Variants in ZNF268 observed in about 807,000 individuals in gnomAD.
The protein encoded by ZNF268 is zinc finger protein 3.
A neutral mutation model predicts 29.3 loss-of-function variants in ZNF268; 20 were observed. The observed-to-expected ratio is 0.68, with a 90% CI of 0.48 to 0.99. The LOEUF is 0.99. Among genes scored for constraint, ZNF268 ranks in the 50% least tolerant of loss-of-function variants. The pLI, the probability that ZNF268 is intolerant of heterozygous loss-of-function variation, is 0.00. For synonymous variants in ZNF268, 429 were observed against 376.9 expected (o/e 1.14, Z -1.60); for missense variants, 1,240 against 1,121.6 (o/e 1.11, Z -1.51).
At position 133,203,110 on chromosome 12, in the gene ZNF268, T is replaced by C. The variant is rs375342422; in HGVS notation, c.1424T>C (p.Ile475Thr). Residue 475 changes from isoleucine (I) to threonine (T), a missense_variant, in exon 6 of 6, where the codon ATT becomes ACT. Around this residue, in one of 3 missense-constraint regions of ZNF268, gnomAD observed 1,177 missense variants for 1,039.6 expected, o/e 1.13. Coordinates refer to ENST00000536435, the MANE Select transcript of ZNF268 (RefSeq NM_003415.3). ...IHTGVKPYGCIQCGKGFSLKS... is the reference protein window; with the variant it reads ...IHTGVKPYGCTQCGKGFSLKS... The stretch of plus-strand genomic sequence containing the variant: ...ACAGGAGTAAAGCCCTATGGGTGTA[T>C]TCAGTGTGGTAAAGGATTCAGTTTG... 1,276 of 1,537,136 alleles carry C rather than the reference T, an allele frequency of 8.3e-4. 1 individual carries two copies. The highest frequency in any genetic ancestry group is 1.0e-3 in the Non-Finnish European group (1,149 of 1,146,682).
chr12:133,188,204 C>CTT, intron 3 of ZNF268, 132 bp downstream of exon 3: 46 of 667,580 alleles, frequency 6.9e-5, no homozygotes, highest in Admixed American at 1.1e-4. Context: ...AACCCCCCCA[C>CTT]TTTTTTTTTT....
chr12:133,182,125 T>C lies in ZNF268; in HGVS notation c.33+95T>C. The C allele has an allele frequency of 2.3e-6, 3 of 1,279,424 alleles. No homozygotes were observed. The South Asian group carries it at 4.2e-5, about 18-fold the overall frequency. 79.3% of individuals were successfully genotyped at this position (1,279,424 alleles called of 1,614,324 possible). A position where few individuals can be genotyped will look rare whatever the true frequency, so the allele number is the denominator to read the frequency against. On this transcript the variant is annotated intron_variant, in intron 2 of 5. Transcript: ENST00000536435. ...TCCAGTCTGAATTTGCCAGGAGCTT[T>C]CTCACCCCACCGCTCTTTTAGGCAA...
intron 2 of ZNF268, among the ~76,000 whole-genome samples, chr12:133,186,734 T>C (rs769215341): frequency 6.6e-6 from 1 of 152,172 alleles, no homozygotes; most frequent in East Asian, 1.9e-4. Flanking sequence ...GATGGAATAC[T>C]ATTCACCAAC....
At chr12:133,183,587 C>T (rs1353572883) in intron 2 of ZNF268, among the ~76,000 whole-genome samples, 1 of 151,900 alleles carries the variant, frequency 6.6e-6, no homozygotes, top group African/African-American at 2.4e-5. Context: ...GGCAGAAAAG[C>T]CAGGGATGAC....
chr12:133,198,249 A>G (rs1474610101), intron 5 of ZNF268, among the ~76,000 whole-genome samples: 1 of 150,104 alleles, frequency 6.7e-6, no homozygotes. Context: ...AGCTTTCTAC[A>G]TATGGCTAGC....
At chr12:133,197,638 G>A (rs1448524581) in intron 5 of ZNF268, among the ~76,000 whole-genome samples, 1 of 152,308 alleles carries the variant, frequency 6.6e-6, no homozygotes, top group East Asian at 1.9e-4. Context: ...GGTTGAACTA[G>A]TTTACAGTCC....
rs1956789490 is a variant in ZNF268, at chr12:133,202,894, T to C, written c.1208T>C (p.Leu403Pro). The C allele has an allele frequency of 1.3e-6, 2 of 1,551,798 alleles. No homozygotes were observed. Among genetic ancestry groups the C allele is most frequent in the Non-Finnish European group, 1.7e-6 (2 of 1,152,422 alleles). The change falls in exon 6 of 6, where the codon CTC becomes CCC. Residue 403 changes from leucine (L) to proline (P), a missense_variant. Coordinates refer to ENST00000536435, the MANE Select transcript of ZNF268 (RefSeq NM_003415.3). Reference sequence around the variant, plus strand: ...AAAGCTTTTGGTTTAAAATCACAGCTCATTATACATGAAAGAATTCATACA... The same window carrying C: ...AAAGCTTTTGGTTTAAAATCACAGCCCATTATACATGAAAGAATTCATACA... Reference protein sequence around the residue: ...CGKAFGLKSQLIIHERIHTGE... With the variant: ...CGKAFGLKSQPIIHERIHTGE...
chr12:133,195,656 A>G (rs1228179709), intron 5 of ZNF268, among the ~76,000 whole-genome samples: 2 of 152,148 alleles, frequency 1.3e-5, no homozygotes, highest in Non-Finnish European at 2.9e-5. Flanking sequence ...GCAGTGAGCA[A>G]TGATTGCACC....
At chr12:133,193,680 G>C (rs1017776756) in intron 5 of ZNF268, 2 of 446,072 alleles carry the variant, frequency 4.5e-6, no homozygotes, top group Non-Finnish European at 8.0e-6. Context: ...TTCAACATGA[G>C]TTTTAGAGGG....
Position 133,212,712 on chromosome 12 carries a change from C to T in ZNF268, c.*8182C>T, listed in dbSNP as rs550311298. The T allele has an allele frequency of 1.5e-4, 23 of 152,038 alleles. 1 individual carries two copies. In the South Asian group the frequency reaches 2.5e-3, roughly 16 times the overall value. The allele number at this position is 152,038 out of a possible 1,614,324, so 9.4% of individuals were successfully genotyped here. On this transcript the variant is annotated 3_prime_UTR_variant, in exon 6 of 6. Transcript: ENST00000536435. The stretch of plus-strand genomic sequence containing the variant: ...GGCTTCCAATTTCTCCACATACTTG[C>T]CAATATTAATTAGTTTGTTTCTCTC...
At position 133,202,627 on chromosome 12, in the gene ZNF268, G is replaced by C; in HGVS notation, c.941G>C (p.Ser314Thr). 1 of 1,605,218 alleles carries C rather than the reference G, an allele frequency of 6.2e-7. No individual in the cohort carries two copies. Among genetic ancestry groups the C allele is most frequent in the Non-Finnish European group, 8.5e-7 (1 of 1,175,294 alleles). ...TGTAATGAATGTGGGAAAGACTTCA[G>C]TAGTAAATCATACCTCATTGTACAT... ...YGCNECGKDF[S>T]SKSYLIVHQR... The change falls in exon 6 of 6, where the codon AGT becomes ACT. Residue 314 changes from serine (S) to threonine (T), a missense_variant. By Grantham distance (58) the Ser-to-Thr change is moderately conservative. Transcript: ENST00000536435.
In ZNF268 at chr12:133,208,940, T is replaced by G. The variant is rs1285161367; in HGVS notation, c.*4410T>G. The G allele has an allele frequency of 1.4e-5, 2 of 138,198 alleles. No individual in the cohort carries two copies. Among genetic ancestry groups the G allele is most frequent in the Non-Finnish European group, 1.5e-5 (1 of 66,474 alleles). 8.6% of individuals were successfully genotyped at this position (138,198 alleles called of 1,614,324 possible). On this transcript the variant is annotated 3_prime_UTR_variant, in exon 6 of 6. Coordinates refer to ENST00000536435, the MANE Select transcript of ZNF268 (RefSeq NM_003415.3). ...CTCAAGCTCCTTATATGGCATAGTATTTGCATTTTTTTTTTTTTTTTTGAG... is the reference window on the plus strand; with the variant it reads ...CTCAAGCTCCTTATATGGCATAGTAGTTGCATTTTTTTTTTTTTTTTTGAG...
In ZNF268 at chr12:133,210,133, A is replaced by G. The variant is rs1956955786; in HGVS notation, c.*5603A>G. On this transcript the variant is annotated 3_prime_UTR_variant, in exon 6 of 6. Transcript: ENST00000536435. ...CCTCAGCACTCAGGGTGCAGGCCTC[A>G]CTTTTCCTCATCTTTTCCTCCTGTG... 1 of 152,266 alleles carries G rather than the reference A, an allele frequency of 6.6e-6. No individual in the cohort carries two copies. Among genetic ancestry groups the G allele is most frequent in the South Asian group, 2.1e-4 (1 of 4,834 alleles). 9.4% of individuals were successfully genotyped at this position (152,266 alleles called of 1,614,324 possible). A position where few individuals can be genotyped will look rare whatever the true frequency, so the allele number is the denominator to read the frequency against.
chr12:133,211,045 T>C lies in ZNF268; in HGVS notation c.*6515T>C, dbSNP rs979467941. 3.3e-5 allele frequency: 15 copies of C among 455,888 alleles called. No individual in the cohort carries two copies. The highest frequency in any genetic ancestry group is 4.8e-5 in the Non-Finnish European group (11 of 226,806). 28.2% of individuals were successfully genotyped at this position (455,888 alleles called of 1,614,324 possible). A position where few individuals can be genotyped will look rare whatever the true frequency, so the allele number is the denominator to read the frequency against. ...AACTGAAATAGAGTCCATCATTCCA[T>C]GCCTTAATTGGAATGGATAGAGATA... On this transcript the variant is annotated 3_prime_UTR_variant, in exon 6 of 6. Coordinates refer to ENST00000536435, the MANE Select transcript of ZNF268 (RefSeq NM_003415.3).
intron 5 of ZNF268, among the ~76,000 whole-genome samples, chr12:133,194,665 A>C (rs1269308191): frequency 3.3e-5 from 5 of 152,194 alleles, no homozygotes; most frequent in Non-Finnish European, 7.3e-5. Context: ...GTTGGCTCAG[A>C]TAAATTATGC....
rs1555305585 is a variant in ZNF268, at chr12:133,211,208, T to TG, written c.*6678_*6679insG. Reference sequence around the variant, plus strand: ...TGAAAAAGTGTTTGTATGCAAAATATAAAAAAAAAACCCTAAAATTGAACA... The same window carrying TG: ...TGAAAAAGTGTTTGTATGCAAAATATGAAAAAAAAAACCCTAAAATTGAACA... On this transcript the variant is annotated 3_prime_UTR_variant, in exon 6 of 6. Transcript: ENST00000536435. 3.7e-6 allele frequency: 1 copy of TG among 272,346 alleles called. No individual in the cohort carries two copies. The highest frequency in any genetic ancestry group is 7.0e-6 in the Non-Finnish European group (1 of 142,536). The allele number at this position is 272,346 out of a possible 1,614,324, so 16.9% of individuals were successfully genotyped here. A position where few individuals can be genotyped will look rare whatever the true frequency, so the allele number is the denominator to read the frequency against.
intron 2 of ZNF268, among the ~76,000 whole-genome samples, chr12:133,182,993 G>A (rs1956216757): frequency 6.6e-6 from 1 of 152,160 alleles, no homozygotes; most frequent in South Asian, 2.1e-4. Flanking sequence ...GGTTTAGTGA[G>A]CATGACTGCC....
In ZNF268 at chr12:133,204,320, A is replaced by G; in HGVS notation, c.2634A>G (p.Gln878=). 1 of 1,562,226 alleles carries G rather than the reference A, an allele frequency of 6.4e-7. No individual in the cohort carries two copies. The highest frequency in any genetic ancestry group is 8.6e-7 in the Non-Finnish European group (1 of 1,157,242). Residue 878 remains glutamine, a synonymous_variant, in exon 6 of 6, where the codon CAA becomes CAG. Coordinates refer to ENST00000536435, the MANE Select transcript of ZNF268 (RefSeq NM_003415.3). The part of the protein sequence containing the change: ...ECGKAFIRNS[Q]LIVHQRTHSG... ...GAAAAGCCTTCATTAGGAATTCTCA[A>G]CTCATTGTACATCAAAGAACTCATT...
intron 5 of ZNF268, among the ~76,000 whole-genome samples, chr12:133,195,864 C>T (rs934153462): frequency 1.3e-4 from 19 of 151,742 alleles, no homozygotes; most frequent in Admixed American, 5.2e-4. Flanking sequence ...ATTACAGGTA[C>T]GCGCTACCAC....
Sources: gnomAD v4.1 joint callset for allele counts (sites outside exome capture counted in the v4.1 genomes callset) on GRCh38, gnomAD v4.1.1 for gene constraint, gnomAD v4.1.1 regional missense constraint, MANE v1.5 for transcripts, NCBI Gene and HGNC (gene_info 2026-07-23, HGNC 2026-07-21) for gene names.